PRDM2: variants seen among roughly 807,000 people sequenced by gnomAD.
PRDM2 encodes the protein PR domain zinc finger protein 2.
A neutral mutation model predicts 130.0 loss-of-function variants in PRDM2; 30 were observed. That is an observed-to-expected ratio of 0.23 (90% CI 0.17 to 0.31). The LOEUF (loss-of-function observed/expected upper bound fraction) is 0.31. PRDM2 is among the 10% of genes least tolerant of loss of function. The probability of loss-of-function intolerance (pLI) is 1.00; values close to 1 mark genes in which losing one functional copy is unlikely to be tolerated. For missense variants in PRDM2, 2,011 were observed against 2,108.4 expected, an observed-to-expected ratio of 0.95 and a Z score of 0.90; for synonymous variants, 871 against 782.4, an observed-to-expected ratio of 1.11 and a Z score of -1.89.
intron 5 of PRDM2, among the ~76,000 whole-genome samples, chr1:13,746,195 A>T (rs1034861103): frequency 1.3e-4 from 19 of 151,862 alleles, no homozygotes; most frequent in Admixed American, 7.2e-4. Context: ...TGTTGTTGTT[A>T]ATTTTTTTAA....
intron 2 of PRDM2, among the ~76,000 whole-genome samples, chr1:13,728,298 C>T (rs549890166): frequency 1.3e-5 from 2 of 152,266 alleles, no homozygotes; most frequent in African/African-American, 4.8e-5. Flanking sequence ...AGAGGAGGCA[C>T]ACAGTAAACA....
intron 8 of PRDM2, among the ~76,000 whole-genome samples, chr1:13,789,978 G>A (rs1013023126): frequency 2.0e-5 from 3 of 152,206 alleles, no homozygotes; most frequent in Non-Finnish European, 2.9e-5. Flanking sequence ...GCTGTTGAGC[G>A]TATGTTCGAG....
chr1:13,749,872 C>T (rs919353629), intron 6 of PRDM2, among the ~76,000 whole-genome samples: 1 of 152,116 alleles, frequency 6.6e-6, no homozygotes, highest in African/African-American at 2.4e-5. Context: ...GCACGGCGGG[C>T]GCCCGAGCTT....
In PRDM2 at chr1:13,816,490, T is replaced by C. The variant is rs145288422; in HGVS notation, c.5100T>C (p.Tyr1700=). The part of the protein sequence containing the change: ...PPAAPYITRQ[Y]RKVKAPAAAQ... Reference sequence around the variant, plus strand: ...CGGCCCCGTACATCACCAGGCAGTATAGGAAGGTCAAAGCTCCAGCTGCAG... The same window carrying C: ...CGGCCCCGTACATCACCAGGCAGTACAGGAAGGTCAAAGCTCCAGCTGCAG... Residue 1700 remains tyrosine (Y), a synonymous_variant, in exon 9 of 10, where the codon TAT becomes TAC. Coordinates refer to ENST00000311066, the MANE Select transcript of PRDM2 (RefSeq NM_001393986.1). 2.5e-6 allele frequency: 4 copies of C among 1,613,930 alleles called. No homozygotes were observed. Among genetic ancestry groups the C allele is most frequent in the Non-Finnish European group, 3.4e-6 (4 of 1,179,966 alleles).
intron 8 of PRDM2, among the ~76,000 whole-genome samples, chr1:13,802,576 T>C (rs1645025140): frequency 1.3e-5 from 2 of 152,236 alleles, no homozygotes. Flanking sequence ...CTTCTTTTCT[T>C]GGTCCTTGGG....
At chr1:13,786,587 G>C in intron 8 of PRDM2, 1 of 1,600,996 alleles carries the variant, frequency 6.2e-7, no homozygotes, top group South Asian at 1.1e-5. Context: ...GCTCAACTTA[G>C]GATAAGCACT....
intron 1 of PRDM2, among the ~76,000 whole-genome samples, chr1:13,706,963 A>G (rs186176744): frequency 3.7e-4 from 56 of 151,960 alleles, no homozygotes; most frequent in African/African-American, 1.2e-3. Context: ...GTCACTTTCT[A>G]CCAAAACTAA....
intron 9 of PRDM2, among the ~76,000 whole-genome samples, chr1:13,821,461 T>C (rs569239432): frequency 2.3e-4 from 35 of 151,118 alleles, no homozygotes; most frequent in African/African-American, 8.5e-4. Context: ...TATTTATTTA[T>C]TTATTTATTT....
At chr1:13,713,746 G>A (rs1642444537) in intron 1 of PRDM2, among the ~76,000 whole-genome samples, 4 of 152,158 alleles carry the variant, frequency 2.6e-5, no homozygotes, top group African/African-American at 7.2e-5. Context: ...TTCACCTGGG[G>A]GAATAAGGTG....
chr1:13,760,814 T>C (rs539429158), intron 6 of PRDM2, among the ~76,000 whole-genome samples: 63 of 152,066 alleles, frequency 4.1e-4, no homozygotes, highest in African/African-American at 1.5e-3. Context: ...CAAAATACAT[T>C]CTGTGGTAAC....
Position 13,771,459 on chromosome 1 carries a change from C to T in PRDM2, c.512-1619C>T, listed in dbSNP as rs1644358110. Among the ~76,000 whole-genome samples, 1 of 152,214 alleles carries T rather than the reference C, an allele frequency of 6.6e-6. No homozygotes were observed. Among genetic ancestry groups the T allele is most frequent in the Admixed American group, 6.5e-5 (1 of 15,284 alleles). ...AAGAATTAGGTATGTAGGCCGGGCA[C>T]GGTGGCTCATGCCTGTAATCCCAGC... On this transcript the variant is annotated intron_variant, in intron 6 of 9. Transcript: ENST00000311066. This position sits in a 1 kb window ranked among gnomAD's most constrained non-coding sequence, Gnocchi z 4.1.
rs376070230 is a variant in PRDM2 at position 13,781,002 on chromosome 1, C to G, written c.3207C>G (p.Ser1069=). The G allele has an allele frequency of 1.2e-6, 2 of 1,600,344 alleles. No homozygotes were observed. Among genetic ancestry groups the G allele is most frequent in the Non-Finnish European group, 1.7e-6 (2 of 1,167,776 alleles). Residue 1069 remains serine, a synonymous_variant, in exon 8 of 10, where the codon TCC becomes TCG. Coordinates refer to ENST00000311066, the MANE Select transcript of PRDM2 (RefSeq NM_001393986.1). This position sits in a 1 kb window ranked among gnomAD's most constrained non-coding sequence, Gnocchi z 6.1. ...SSSSSFSSSS[S]SSSPSPPPLS... The stretch of plus-strand genomic sequence containing the variant: ...CCTCTTCGTTTTCTTCTTCATCTTC[C>G]TCCTCTTCTCCTTCTCCACCTCCTC...
At chr1:13,799,194 A>G (rs899645045) in intron 8 of PRDM2, among the ~76,000 whole-genome samples, 4 of 152,234 alleles carry the variant, frequency 2.6e-5, no homozygotes, top group African/African-American at 7.2e-5. Flanking sequence ...CTGTAATCCT[A>G]GCACTTTGGG....
chr1:13,776,951 A>G (rs1414120804), intron 7 of PRDM2, among the ~76,000 whole-genome samples: 2 of 152,160 alleles, frequency 1.3e-5, no homozygotes, highest in Admixed American at 6.5e-5. Flanking sequence ...TTTCTAGGCC[A>G]GCCTCTTTGT....
At chr1:13,774,508 G>C (rs959972923) in intron 7 of PRDM2, among the ~76,000 whole-genome samples, 2 of 152,226 alleles carry the variant, frequency 1.3e-5, no homozygotes, top group African/African-American at 4.8e-5. Flanking sequence ...TTAAGACTAA[G>C]TTCTGCCTCC....
chr1:13,731,126 T>C lies in PRDM2; in HGVS notation c.127+9T>C, dbSNP rs1643093122. 2 of 1,606,668 alleles carry C rather than the reference T, an allele frequency of 1.2e-6. No homozygotes were observed. The highest frequency in any genetic ancestry group is 1.7e-6 in the Non-Finnish European group (2 of 1,174,862). ...TGACAAGACCCGGATTGGTGAGTGC[T>C]CCTCCTGTCACGGAGCAAGTCAGGC... On this transcript the variant is annotated intron_variant, in intron 3 of 9. Transcript: ENST00000311066.
intron 2 of PRDM2, chr1:13,722,945 T>G (rs1049254005): frequency 2.2e-6 from 1 of 455,242 alleles, no homozygotes; most frequent in Non-Finnish European, 4.4e-6. Flanking sequence ...CCCCATCTCG[T>G]CACTCTCCTG....
intron 5 of PRDM2, among the ~76,000 whole-genome samples, chr1:13,746,172 A>T (rs904932415): frequency 5.3e-5 from 8 of 152,142 alleles, no homozygotes; most frequent in East Asian, 1.9e-4. Context: ...AAGTGGGAAG[A>T]GTTTAAAATC....
intron 8 of PRDM2, among the ~76,000 whole-genome samples, chr1:13,798,674 T>C (rs906781082): frequency 4.6e-5 from 7 of 152,188 alleles, no homozygotes; most frequent in African/African-American, 1.4e-4. Context: ...AGGTTCTTTT[T>C]CCCCTATTTT....
Sources: gnomAD v4.1 joint callset for allele counts (sites outside exome capture counted in the v4.1 genomes callset) on GRCh38, gnomAD v4.1.1 for gene constraint, Gnocchi (gnomAD v3.1) non-coding constraint, MANE v1.5 for transcripts, NCBI Gene and HGNC (gene_info 2026-07-23, HGNC 2026-07-21) for gene names.